TENM3: variants seen among roughly 807,000 people sequenced by gnomAD.
TENM3 encodes the protein teneurin-3.
Under a neutral mutation model 255.1 loss-of-function variants are expected in TENM3, and 63 were observed. The ratio of observed to expected loss-of-function variants is 0.25; its 90% CI spans 0.20 to 0.30. TENM3 has a LOEUF of 0.30. Among genes scored for constraint, TENM3 ranks in the 10% least tolerant of loss-of-function variants. The pLI is 1.00. For synonymous variants in TENM3, 1,306 were observed against 1,322.3 expected (o/e 0.99, Z 0.27); for missense variants, 2,929 against 3,461.1 (o/e 0.85, Z 3.86).
chr4:182,569,123 C>T (rs552342292), intron 3 of TENM3, among the ~76,000 whole-genome samples: 21 of 152,292 alleles, frequency 1.4e-4, no homozygotes, highest in Middle Eastern at 3.4e-3. Flanking sequence ...CTCTTGAGAT[C>T]GGTGTACTGT....
chr4:181,811,008 G>A, the TENM3 span, among the ~76,000 whole-genome samples: 2,809 of 152,214 alleles, frequency 0.018, 91 homozygotes, highest in African/African-American at 0.064. Context: ...TCCAAATTTG[G>A]ATGAGTTGAT....
the TENM3 span, among the ~76,000 whole-genome samples, chr4:182,001,225 G>A: frequency 2.4e-4 from 37 of 151,824 alleles, no homozygotes; most frequent in African/African-American, 8.9e-4. Context: ...AGCTTAATGG[G>A]TCTTGGTGTT....
intron 4 of TENM3, among the ~76,000 whole-genome samples, chr4:182,619,863 C>A (rs1332256227): frequency 6.6e-6 from 1 of 152,148 alleles, no homozygotes; most frequent in Non-Finnish European, 1.5e-5. Context: ...CCGTGCAGGG[C>A]ATCATTGGAA....
At position 182,161,848 on chromosome 4, in the gene TENM3, CACAAAT is replaced by C. The variant is rs1197057886; in HGVS notation, c.-76+17096_-76+17101del. Among the ~76,000 whole-genome samples the C allele has an allele frequency of 9.7e-5, 5 of 51,306 alleles. 1 individual carries two copies. The highest frequency in any genetic ancestry group is 1.9e-4 in the Non-Finnish European group (5 of 25,816). The allele number at this position is 51,306 out of a possible 152,430, so 33.7% of individuals were successfully genotyped here. On this transcript the variant is annotated intron_variant, in intron 1 of 2. Transcript: ENST00000512480. ...ATACACATATATATGTGTATATATA[CACAAAT>C]ATATATGTGTATATATGTGTATATA...
chr4:182,599,411 G>T (rs2152408497), intron 3 of TENM3, among the ~76,000 whole-genome samples: 1 of 152,206 alleles, frequency 6.6e-6, no homozygotes, highest in East Asian at 1.9e-4. Flanking sequence ...TTCTATTTTT[G>T]AAGTTCCCCC....
the TENM3 span, among the ~76,000 whole-genome samples, chr4:181,560,968 T>G: frequency 6.6e-6 from 1 of 152,218 alleles, no homozygotes; most frequent in Non-Finnish European, 1.5e-5. Context: ...TTTTTATTTT[T>G]TTTCTTAAGG....
chr4:182,671,394 C>T (rs1451568683), intron 6 of TENM3, among the ~76,000 whole-genome samples: 1 of 152,174 alleles, frequency 6.6e-6, no homozygotes, highest in Non-Finnish European at 1.5e-5. Context: ...CACGGCCATG[C>T]TTGTGATAGC....
the TENM3 span, among the ~76,000 whole-genome samples, chr4:181,787,010 A>AAAGATC: frequency 6.6e-6 from 1 of 152,168 alleles, no homozygotes; most frequent in Non-Finnish European, 1.5e-5. Flanking sequence ...GCCCTGTGGC[A>AAAGATC]CTCTCTCATG....
At chr4:182,268,107 G>C (rs962875778) in intron 1 of TENM3, among the ~76,000 whole-genome samples, 6 of 152,042 alleles carry the variant, frequency 3.9e-5, no homozygotes, top group Non-Finnish European at 8.8e-5. Context: ...TCATAAAAAA[G>C]CCTTCTAATT....
the TENM3 span, among the ~76,000 whole-genome samples, chr4:181,629,564 A>T: frequency 6.6e-6 from 1 of 152,164 alleles, no homozygotes; most frequent in South Asian, 2.1e-4. Context: ...GAATTTTGTC[A>T]AAGGCCTTTT....
At chr4:182,481,905 T>C (rs1484376225) in intron 3 of TENM3, among the ~76,000 whole-genome samples, 1 of 152,258 alleles carries the variant, frequency 6.6e-6, no homozygotes, top group Non-Finnish European at 1.5e-5. Context: ...AGTGATATTT[T>C]CTTTGTTACT....
intron 24 of TENM3, 131 bp from the exon 25 acceptor site, chr4:182,788,962 T>G (rs1319863765): frequency 3.5e-5 from 27 of 761,786 alleles, no homozygotes; most frequent in Non-Finnish European, 4.9e-5. Flanking sequence ...CTTGCACTTG[T>G]ACCCAAGAAG....
At chr4:182,480,678 A>G (rs1351134609) in intron 3 of TENM3, among the ~76,000 whole-genome samples, 1 of 152,106 alleles carries the variant, frequency 6.6e-6, no homozygotes, top group Non-Finnish European at 1.5e-5. Flanking sequence ...TTAATGAACA[A>G]TTGGTTGTAT....
At chr4:181,553,306 GTGTA>G in the TENM3 span, among the ~76,000 whole-genome samples, 1 of 123,158 alleles carries the variant, frequency 8.1e-6, no homozygotes, top group African/African-American at 3.4e-5. Flanking sequence ...TGTAGTGTGT[GTGTA>G]TGTGTATGCG....
intron 3 of TENM3, among the ~76,000 whole-genome samples, chr4:182,550,656 C>T (rs1741905625): frequency 6.6e-6 from 1 of 152,084 alleles, no homozygotes; most frequent in Non-Finnish European, 1.5e-5. Flanking sequence ...CTTCTAACAC[C>T]AGGGATTTGT....
intron 3 of TENM3, among the ~76,000 whole-genome samples, chr4:182,466,504 T>G (rs1732605574): frequency 6.6e-6 from 1 of 152,104 alleles, no homozygotes; most frequent in Non-Finnish European, 1.5e-5. Flanking sequence ...TAATTTTTTT[T>G]ATATTTTTTG....
the TENM3 span, among the ~76,000 whole-genome samples, chr4:181,532,591 C>A: frequency 1.3e-5 from 2 of 152,102 alleles, no homozygotes; most frequent in Non-Finnish European, 2.9e-5. Flanking sequence ...GAACAAAACA[C>A]CCTATTTGAG....
chr4:181,613,108 T>C, the TENM3 span, among the ~76,000 whole-genome samples: 1 of 152,186 alleles, frequency 6.6e-6, no homozygotes, highest in South Asian at 2.1e-4. Flanking sequence ...TTCACGCCTT[T>C]GTGAATGCTG....
chr4:181,681,405 C>A, the TENM3 span, among the ~76,000 whole-genome samples: 1 of 152,082 alleles, frequency 6.6e-6, no homozygotes, highest in East Asian at 1.9e-4. Flanking sequence ...CCCCCCTGTT[C>A]TGAAGGCATT....
Sources: allele counts gnomAD v4.1 joint callset (sites outside exome capture counted in the v4.1 genomes callset), GRCh38; gene constraint gnomAD v4.1.1; transcripts MANE v1.5; gene names NCBI Gene and HGNC (gene_info 2026-07-23, HGNC 2026-07-21).